Variants in TANC1 observed in about 807,000 individuals in gnomAD.
TANC1 encodes the protein tetratricopeptide repeat, ankyrin repeat and coiled-coil containing 1, also known as protein TANC1.
A neutral mutation model predicts 149.7 loss-of-function variants in TANC1; 77 were observed. The ratio of observed to expected loss-of-function variants is 0.51; its 90% confidence interval spans 0.43 to 0.62. TANC1 has a LOEUF of 0.62. TANC1 is among the 20% of genes least tolerant of loss of function. TANC1 has a pLI of 0.00. For missense variants in TANC1, 1,985 were observed against 2,321.8 expected (o/e 0.85, Z 2.98); for synonymous variants, 854 against 925.0 (o/e 0.92, Z 1.39).
chr2:158,991,414 G>A (rs1177090976), intron 1 of TANC1, among the ~76,000 whole-genome samples: 1 of 152,038 alleles, frequency 6.6e-6, no homozygotes, highest in Non-Finnish European at 1.5e-5. Context: ...AATTTTCCAA[G>A]AATATTATTT....
Position 159,229,824 on chromosome 2 carries a change from C to T in TANC1, c.4398C>T (p.Pro1466=), listed in dbSNP as rs2060241256. The T allele has an allele frequency of 1.4e-5, 22 of 1,614,134 alleles. No individual in the cohort carries two copies. The highest frequency in any genetic ancestry group is 1.9e-5 in the Non-Finnish European group (22 of 1,180,016). ...AGACTGAAGAGGAAGAAACTTCTCCCCAGGAAGAATCTGTTTCCCCAACTC... is the reference window on the plus strand; with the variant it reads ...AGACTGAAGAGGAAGAAACTTCTCCTCAGGAAGAATCTGTTTCCCCAACTC... The part of the protein sequence containing the change: ...SEETEEEETS[P]QEESVSPTPR... The change falls in exon 27 of 27, where the codon CCC becomes CCT. Residue 1466 remains proline (P), a synonymous_variant. Coordinates refer to ENST00000263635, the MANE Select transcript of TANC1 (RefSeq NM_033394.3).
intron 4 of TANC1, among the ~76,000 whole-genome samples, chr2:159,118,936 T>A (rs1468224157): frequency 6.6e-6 from 1 of 152,336 alleles, no homozygotes; most frequent in East Asian, 1.9e-4. Context: ...CATGACTGGG[T>A]ACACAAACAG....
chr2:159,223,236 G>A (rs2059810721), intron 22 of TANC1, among the ~76,000 whole-genome samples: 1 of 152,172 alleles, frequency 6.6e-6, no homozygotes, highest in Non-Finnish European at 1.5e-5. Flanking sequence ...TGGACAGACA[G>A]GTGCTTGCAG....
intron 18 of TANC1, among the ~76,000 whole-genome samples, chr2:159,198,341 A>C (rs1020738952): frequency 2.0e-5 from 3 of 152,170 alleles, no homozygotes; most frequent in Non-Finnish European, 4.4e-5. Context: ...AGCCTACCAC[A>C]AAGGGTGTGG....
chr2:158,994,458 A>C (rs1017076473), intron 1 of TANC1, among the ~76,000 whole-genome samples: 1 of 152,016 alleles, frequency 6.6e-6, no homozygotes, highest in Non-Finnish European at 1.5e-5. Flanking sequence ...TTTTTTGTAG[A>C]TATGGGATGT....
intron 4 of TANC1, 120 bp from the exon 5 acceptor site, chr2:159,136,074 G>A (rs1360645545): frequency 3.0e-6 from 2 of 664,942 alleles, no homozygotes; most frequent in Non-Finnish European, 5.5e-6. Context: ...TTAAGGGAGG[G>A]GAAGGCACTG....
At chr2:159,141,460 G>T (rs146465349) in intron 5 of TANC1, among the ~76,000 whole-genome samples, 5 of 152,330 alleles carry the variant, frequency 3.3e-5, no homozygotes, top group African/African-American at 9.6e-5. Flanking sequence ...GAAGATTCTT[G>T]AGGAATTGCA....
At chr2:159,113,311 G>A (rs2047939172) in intron 4 of TANC1, among the ~76,000 whole-genome samples, 1 of 152,162 alleles carries the variant, frequency 6.6e-6, no homozygotes, top group South Asian at 2.1e-4. Context: ...CTCCTAAACA[G>A]AAAAATTCTA....
intron 4 of TANC1, among the ~76,000 whole-genome samples, chr2:159,124,634 G>T (rs2049203131): frequency 6.6e-6 from 1 of 152,162 alleles, no homozygotes; most frequent in Non-Finnish European, 1.5e-5. Flanking sequence ...GCCATTCTAG[G>T]AAGATCGATC....
At chr2:158,976,446 C>A (rs767115850) in intron 1 of TANC1, among the ~76,000 whole-genome samples, 2 of 151,958 alleles carry the variant, frequency 1.3e-5, no homozygotes, top group African/African-American at 2.4e-5. Context: ...TAAACTGACC[C>A]CCAGAAAATG....
At chr2:159,037,777 G>A (rs1394077202) in intron 2 of TANC1, among the ~76,000 whole-genome samples, 1 of 152,208 alleles carries the variant, frequency 6.6e-6, no homozygotes, top group Non-Finnish European at 1.5e-5. Flanking sequence ...ATAGTTTGAA[G>A]TCGGGTAGCA....
In TANC1 at chr2:159,232,058, T is replaced by C. The variant is rs967379492; in HGVS notation, c.*1046T>C. On this transcript the variant is annotated 3_prime_UTR_variant, in exon 27 of 27. Coordinates refer to ENST00000263635, the MANE Select transcript of TANC1 (RefSeq NM_033394.3). ...CCCCAGTCACGATTTGCATGTTCTC[T>C]GTAAGCTTCATCCATGCTGGTTATT... The C allele has an allele frequency of 2.0e-5, 3 of 152,654 alleles. No individual in the cohort carries two copies. Among genetic ancestry groups the C allele is most frequent in the African/African-American group, 7.2e-5 (3 of 41,466 alleles). The allele number at this position is 152,654 out of a possible 1,614,324, so 9.5% of individuals were successfully genotyped here.
At chr2:159,059,773 C>G (rs1389399231) in intron 2 of TANC1, among the ~76,000 whole-genome samples, 4 of 151,798 alleles carry the variant, frequency 2.6e-5, no homozygotes, top group East Asian at 1.9e-4. Context: ...TTTTCCCAGC[C>G]TCCTAGGATC....
chr2:159,052,765 G>A (rs2041564927), intron 2 of TANC1, among the ~76,000 whole-genome samples: 1 of 152,188 alleles, frequency 6.6e-6, no homozygotes, highest in Non-Finnish European at 1.5e-5. Context: ...ATGTAACTTT[G>A]TCACATGGAA....
At position 159,179,037 on chromosome 2, in the gene TANC1, T is replaced by C; in HGVS notation, c.2384T>C (p.Met795Thr). 1 of 1,614,038 alleles carries C rather than the reference T, an allele frequency of 6.2e-7. No individual in the cohort carries two copies. The highest frequency in any genetic ancestry group is 8.5e-7 in the Non-Finnish European group (1 of 1,179,998). The change falls in exon 14 of 27, where the codon ATG becomes ACG. Residue 795 changes from methionine (M) to threonine (T), a missense_variant. Around this residue, in one of 3 missense-constraint regions of TANC1, gnomAD observed 508 missense variants for 714.2 expected, o/e 0.71. Transcript: ENST00000263635. ...EQGWEDFQQR[M>T]DALSCFLIKR... ...GGATGGGAAGACTTTCAGCAGAGGA[T>C]GGACGCCCTCTCCTGCTTCCTCATT...
intron 13 of TANC1, among the ~76,000 whole-genome samples, 157 bp from the exon 14 acceptor site, chr2:159,178,399 C>T (rs903618674): frequency 2.0e-5 from 3 of 152,184 alleles, no homozygotes; most frequent in Admixed American, 1.3e-4. Context: ...TTTATCTTCA[C>T]CTTATCCTAT....
chr2:159,071,093 T>C (rs1025766114), intron 3 of TANC1, among the ~76,000 whole-genome samples: 2 of 152,224 alleles, frequency 1.3e-5, no homozygotes, highest in Admixed American at 1.3e-4. Flanking sequence ...CCCTGTCTAC[T>C]TCTGTCCCTT....
At chr2:159,187,242 C>A (rs1490140687) in intron 16 of TANC1, among the ~76,000 whole-genome samples, 1 of 152,182 alleles carries the variant, frequency 6.6e-6, no homozygotes, top group African/African-American at 2.4e-5. Flanking sequence ...GTGGTCAGGG[C>A]TGCTCTGAGC....
intron 19 of TANC1, 152 bp from the exon 20 acceptor site, chr2:159,217,345 T>C: frequency 3.2e-6 from 3 of 943,428 alleles, no homozygotes; most frequent in Non-Finnish European, 4.9e-6. Context: ...CTGTGTTCTG[T>C]TGGTCAAAGC....
Sources: gnomAD v4.1 joint callset for allele counts (sites outside exome capture counted in the v4.1 genomes callset) on GRCh38, gnomAD v4.1.1 for gene constraint, gnomAD v4.1.1 regional missense constraint, MANE v1.5 for transcripts, NCBI Gene and HGNC (gene_info 2026-07-23, HGNC 2026-07-21) for gene names.